The following ABTB2 variants were observed in gnomAD, a reference collection of about 807,000 sequenced individuals.
ABTB2 encodes the protein ankyrin repeat and BTB/POZ domain-containing protein 2.
Under a neutral mutation model 104.1 loss-of-function variants are expected in ABTB2, and 56 were observed. The ratio of observed to expected loss-of-function variants is 0.54; its 90% confidence interval spans 0.43 to 0.67. ABTB2 has a LOEUF of 0.67. Ranked by LOEUF, ABTB2 falls within the 30% of genes least tolerant of loss-of-function variation. ABTB2 has a pLI of 0.00. For synonymous variants in ABTB2, 606 were observed against 608.2 expected (o/e 1.00, Z 0.05); for missense variants, 1,279 against 1,407.7 (o/e 0.91, Z 1.46).
intron 1 of ABTB2, among the ~76,000 whole-genome samples, chr11:34,307,905 G>A (rs1179679460): frequency 2.0e-5 from 3 of 152,150 alleles, no homozygotes; most frequent in South Asian, 2.1e-4. Context: ...CACCATGTTG[G>A]TCAGGCTGGT....
Position 34,306,317 on chromosome 11 carries a change from G to A in ABTB2, c.883+50384C>T, listed in dbSNP as rs571517570. On this transcript the variant is annotated intron_variant, in intron 1 of 16. Transcript: ENST00000435224. ...GCTGGAGTGCAGTGGCACAATCTCG[G>A]CTCACTGCAACCTCTGCTTCCCAGG... Among the ~76,000 whole-genome samples the A allele has an allele frequency of 2.5e-3, 353 of 139,212 alleles. 2 individuals are homozygous for A. Among genetic ancestry groups the A allele is most frequent in the African/African-American group, 9.3e-3 (341 of 36,640 alleles). 91.3% of individuals were successfully genotyped at this position (139,212 alleles called of 152,430 possible). A position where few individuals can be genotyped will look rare whatever the true frequency, so the allele number is the denominator to read the frequency against.
Position 34,222,655 on chromosome 11 carries a change from G to T in ABTB2, c.884-17965C>A, listed in dbSNP as rs997226750. On this transcript the variant is annotated intron_variant, in intron 1 of 16. Coordinates refer to ENST00000435224, the MANE Select transcript of ABTB2 (RefSeq NM_145804.3). Reference sequence around the variant, plus strand: ...ATGCTGAGTTTCAGATGCAGTGCCTGTGGATAACAGACTTTCCCTCCCAGA... The same window carrying T: ...ATGCTGAGTTTCAGATGCAGTGCCTTTGGATAACAGACTTTCCCTCCCAGA... Among the ~76,000 whole-genome samples the T allele has an allele frequency of 1.3e-5, 2 of 152,220 alleles. 1 individual carries two copies. The highest frequency in any genetic ancestry group is 1.3e-4 in the Admixed American group (2 of 15,286).
At chr11:34,340,608 C>T (rs1175384125) in intron 1 of ABTB2, among the ~76,000 whole-genome samples, 2 of 152,194 alleles carry the variant, frequency 1.3e-5, no homozygotes, top group Non-Finnish European at 2.9e-5. Context: ...AGAGATACTC[C>T]TCCCAAAGCC....
chr11:34,190,273 A>C (rs867168037), intron 3 of ABTB2, among the ~76,000 whole-genome samples: 272 of 4,534 alleles, frequency 0.06, 2 homozygotes, highest in Middle Eastern at 0.17. Context: ...CTGCCCCCCC[A>C]AAAAAAAAAA....
chr11:34,182,954 T>C (rs1853048228), intron 3 of ABTB2, among the ~76,000 whole-genome samples: 1 of 152,172 alleles, frequency 6.6e-6, no homozygotes, highest in African/African-American at 2.4e-5. Flanking sequence ...AGCTGGGATA[T>C]GAACCTGGGC....
intron 1 of ABTB2, among the ~76,000 whole-genome samples, chr11:34,327,869 C>T (rs886229651): frequency 4.6e-5 from 7 of 151,544 alleles, no homozygotes; most frequent in East Asian, 1.9e-4. Context: ...AACAATCCCC[C>T]GGCAGCTGCG....
chr11:34,308,474 C>CT (rs1389114584), intron 1 of ABTB2, among the ~76,000 whole-genome samples: 1 of 152,168 alleles, frequency 6.6e-6, no homozygotes, highest in Admixed American at 6.5e-5. Context: ...TCGATCACAT[C>CT]TTGGGGTCAC....
chr11:34,337,800 A>G (rs1855209730), intron 1 of ABTB2, among the ~76,000 whole-genome samples: 1 of 152,114 alleles, frequency 6.6e-6, no homozygotes, highest in Non-Finnish European at 1.5e-5. Context: ...GACTCATCAC[A>G]TTTGGTTGGA....
Position 34,356,895 on chromosome 11 carries a change from G to A in ABTB2, c.689C>T (p.Ser230Phe). 1 of 1,603,702 alleles carries A rather than the reference G, an allele frequency of 6.2e-7. No individual in the cohort carries two copies. The highest frequency in any genetic ancestry group is 1.7e-4 in the Middle Eastern group (1 of 6,050). ...CAGGTTCTCCATGCAGGCGGTGAGG[G>A]AGATGGCTGCGTACTCGTGGATGCG... ...SVRIHEYAAI[S>F]LTACMENLVE... The change falls in exon 1 of 17, where the codon TCC (serine) becomes TTC (phenylalanine). Residue 230 changes from serine to phenylalanine, a missense_variant. Transcript: ENST00000435224. The surrounding 1 kb of genome is among the most constrained non-coding windows in gnomAD (Gnocchi z 4.6).
chr11:34,274,462 C>G (rs2133082762), intron 1 of ABTB2, among the ~76,000 whole-genome samples: 1 of 151,924 alleles, frequency 6.6e-6, no homozygotes, highest in East Asian at 1.9e-4. Context: ...CTCAGTTTGC[C>G]CTTTATTAAT....
intron 1 of ABTB2, among the ~76,000 whole-genome samples, chr11:34,300,085 G>A (rs984474866): frequency 6.6e-6 from 1 of 152,152 alleles, no homozygotes; most frequent in Admixed American, 6.5e-5. Context: ...GGTGAGGAAG[G>A]GTTCTCTTTT....
chr11:34,220,818 C>T (rs1181566220), intron 1 of ABTB2, among the ~76,000 whole-genome samples: 1 of 152,194 alleles, frequency 6.6e-6, no homozygotes, highest in Non-Finnish European at 1.5e-5. Context: ...CAACAACAGA[C>T]ATTTATTTTC....
At chr11:34,215,376 G>A (rs549121358) in intron 1 of ABTB2, among the ~76,000 whole-genome samples, 1 of 152,310 alleles carries the variant, frequency 6.6e-6, no homozygotes, top group Non-Finnish European at 1.5e-5. Context: ...GAGAGTTTAA[G>A]GAAAAGATGC....
At chr11:34,192,963 G>A (rs1221267938) in intron 3 of ABTB2, among the ~76,000 whole-genome samples, 1 of 152,192 alleles carries the variant, frequency 6.6e-6, no homozygotes, top group African/African-American at 2.4e-5. Flanking sequence ...ACGTGTCTGC[G>A]TAGTCTTTAT....
chr11:34,293,933 C>T (rs1431572125), intron 1 of ABTB2, among the ~76,000 whole-genome samples: 1 of 152,088 alleles, frequency 6.6e-6, no homozygotes, highest in Non-Finnish European at 1.5e-5. Flanking sequence ...ACTATGTTGG[C>T]CAGGCTGGTC....
At chr11:34,355,992 T>TGGC (rs1478258975) in intron 1 of ABTB2, among the ~76,000 whole-genome samples, 1 of 152,202 alleles carries the variant, frequency 6.6e-6, no homozygotes, top group Non-Finnish European at 1.5e-5. Flanking sequence ...TTTTAACCAA[T>TGGC]GGCTCACTTG....
chr11:34,182,231 T>C (rs1431206076), intron 3 of ABTB2, among the ~76,000 whole-genome samples: 1 of 152,178 alleles, frequency 6.6e-6, no homozygotes, highest in African/African-American at 2.4e-5. Context: ...AAAACCAACA[T>C]TGTCCCGCTA....
At chr11:34,240,684 C>T (rs1394007774) in intron 1 of ABTB2, among the ~76,000 whole-genome samples, 1 of 151,268 alleles carries the variant, frequency 6.6e-6, no homozygotes, top group Non-Finnish European at 1.5e-5. Flanking sequence ...CCTCCACCTC[C>T]CAGGTTCAAG....
At position 34,306,956 on chromosome 11, in the gene ABTB2, G is replaced by C. The variant is rs1379285529; in HGVS notation, c.883+49745C>G. On this transcript the variant is annotated intron_variant, in intron 1 of 16. Transcript: ENST00000435224. Reference sequence around the variant, plus strand: ...TAGTTTTCCAGCCATAGCAAGCAATGACAGCTAGCACCATGTCAGGAAACT... The same window carrying C: ...TAGTTTTCCAGCCATAGCAAGCAATCACAGCTAGCACCATGTCAGGAAACT... 1.4e-4 allele frequency among the ~76,000 whole-genome samples: 18 copies of C among 126,670 alleles called. No individual in the cohort carries two copies. In the Admixed American group the frequency reaches 1.6e-3, roughly 11 times the overall value. 83.1% of individuals were successfully genotyped at this position (126,670 alleles called of 152,430 possible). A position where few individuals can be genotyped will look rare whatever the true frequency, so the allele number is the denominator to read the frequency against.
Sources: gnomAD v4.1 joint callset for allele counts (sites outside exome capture counted in the v4.1 genomes callset) on GRCh38, gnomAD v4.1.1 for gene constraint, Gnocchi (gnomAD v3.1) non-coding constraint, MANE v1.5 for transcripts, NCBI Gene and HGNC (gene_info 2026-07-23, HGNC 2026-07-21) for gene names.